SCN7A: variants seen among roughly 807,000 people sequenced by gnomAD.
SCN7A encodes the protein sodium voltage-gated channel alpha subunit 7, also known as sodium channel protein type 7 subunit alpha.
In SCN7A, 138 loss-of-function variants were observed where a neutral mutation model predicts 155.2. The observed-to-expected ratio is 0.89, with a 90% CI of 0.77 to 1.02. The LOEUF (loss-of-function observed/expected upper bound fraction) is 1.02. Ranked by LOEUF, SCN7A falls within the 50% of genes least tolerant of loss-of-function variation. The pLI is 0.00. For synonymous variants in SCN7A, 693 were observed against 649.0 expected (o/e 1.07, Z -1.03); for missense variants, 2,058 against 1,986.6 (o/e 1.04, Z -0.68).
At chr2:166,435,518 G>A (rs1701821134) in intron 15 of SCN7A, among the ~76,000 whole-genome samples, 1 of 152,056 alleles carries the variant, frequency 6.6e-6, no homozygotes, top group Non-Finnish European at 1.5e-5. Flanking sequence ...CACATATTGA[G>A]TGAGAATTGA....
intron 11 of SCN7A, among the ~76,000 whole-genome samples, chr2:166,452,420 T>TA (rs1702193478): frequency 6.6e-6 from 1 of 152,130 alleles, no homozygotes. Flanking sequence ...GTCCTTCAGA[T>TA]ACAATTTAGT....
intron 19 of SCN7A, among the ~76,000 whole-genome samples, chr2:166,421,831 G>A (rs1423074549): frequency 1.3e-4 from 20 of 151,870 alleles, no homozygotes; most frequent in Admixed American, 1.3e-3. Context: ...CAGATACTAA[G>A]GTAATCTTTA....
At chr2:166,482,763 C>CA (rs34623846) in intron 2 of SCN7A, among the ~76,000 whole-genome samples, 39,379 of 142,378 alleles carry the variant, frequency 0.28, 5,116 homozygotes, top group Middle Eastern at 0.34. Context: ...TGCGATACTG[C>CA]AAAAAAAAAA....
Position 166,406,408 on chromosome 2 carries a change from T to G in SCN7A, c.4221A>C (p.Lys1407Asn), listed in dbSNP as rs551440076. The G allele has an allele frequency of 4.3e-6, 7 of 1,613,002 alleles. No individual in the cohort carries two copies. Among genetic ancestry groups the G allele is most frequent in the Non-Finnish European group, 5.9e-6 (7 of 1,179,356 alleles). Residue 1407 changes from lysine (K) to asparagine (N), a missense_variant, in exon 26 of 26, where the codon AAA becomes AAC. By Grantham distance (94) the Lys-to-Asn change is moderately conservative. Coordinates refer to ENST00000643258, the MANE Select transcript of SCN7A (RefSeq NM_002976.4). ...FGMYNFAYVKKEAGINDVSNF... is the reference protein window; with the variant it reads ...FGMYNFAYVKNEAGINDVSNF... ...TAGACACATCATTAATTCCAGCTTC[T>G]TTTTTAACATAGGCAAAATTATACA...
At chr2:166,441,793 CA>C (rs1284459556) in intron 14 of SCN7A, 41 bp from the exon 15 acceptor site, 4 of 1,495,944 alleles carry the variant, frequency 2.7e-6, no homozygotes, top group Non-Finnish European at 2.7e-6. Context: ...AAACAAATGA[CA>C]AAAAACTTGG....
chr2:166,404,046 G>A lies in SCN7A; in HGVS notation c.*1534C>T, dbSNP rs141327804. On this transcript the variant is annotated 3_prime_UTR_variant, in exon 26 of 26. Transcript: ENST00000643258. ...TGAGGGGCAGAAAAAGATTATAGTA[G>A]TTAAGGCTTGAGATCATGCATTCAG... The A allele has an allele frequency of 6.6e-6, 1 of 151,758 alleles. No homozygotes were observed. The highest frequency in any genetic ancestry group is 1.9e-4 in the East Asian group (1 of 5,160). 9.4% of individuals were successfully genotyped at this position (151,758 alleles called of 1,614,324 possible).
At chr2:166,464,139 AATATATACACAT>A (rs1284602185) in intron 9 of SCN7A, among the ~76,000 whole-genome samples, 2 of 149,220 alleles carry the variant, frequency 1.3e-5, no homozygotes, top group Non-Finnish European at 3.0e-5. Flanking sequence ...TATATATACG[AATATATACACAT>A]ATATATACAC....
At chr2:166,485,641 A>G (rs571230528) in intron 2 of SCN7A, among the ~76,000 whole-genome samples, 67 of 152,204 alleles carry the variant, frequency 4.4e-4, no homozygotes, top group African/African-American at 1.6e-3. Context: ...TAAAAAGTAA[A>G]GCTGGTTCTG....
At chr2:166,488,654 T>C (rs1703106872) in intron 1 of SCN7A, among the ~76,000 whole-genome samples, 1 of 151,964 alleles carries the variant, frequency 6.6e-6, no homozygotes. Context: ...TTATTTTTTT[T>C]TGAGACGGAG....
At chr2:166,464,972 T>C (rs1270071200) in intron 9 of SCN7A, among the ~76,000 whole-genome samples, 1 of 152,200 alleles carries the variant, frequency 6.6e-6, no homozygotes, top group Non-Finnish European at 1.5e-5. Flanking sequence ...ATACTTCTGC[T>C]ATGGTCTGAA....
intron 2 of SCN7A, among the ~76,000 whole-genome samples, chr2:166,484,470 A>G (rs935231434): frequency 1.3e-5 from 2 of 151,880 alleles, no homozygotes; most frequent in African/African-American, 4.8e-5. Flanking sequence ...CAGAGAAATA[A>G]AAGGATTATG....
At chr2:166,410,123 C>T in intron 24 of SCN7A, 97 bp downstream of exon 24, 1 of 1,164,698 alleles carries the variant, frequency 8.6e-7, no homozygotes, top group South Asian at 1.7e-5. Flanking sequence ...TGTCAAGGGA[C>T]ACAAAAATTT....
At chr2:166,462,632 C>T (rs548557342) in intron 9 of SCN7A, 102 bp from the exon 10 acceptor site, 276 of 1,048,698 alleles carry the variant, frequency 2.6e-4, no homozygotes, top group South Asian at 6.1e-4. Context: ...AGAGAACTCA[C>T]GCTTCCACAG....
At chr2:166,436,287 T>A in intron 15 of SCN7A, 1 of 299,586 alleles carries the variant, frequency 3.3e-6, no homozygotes, top group South Asian at 2.7e-5. Context: ...TTCATGCTGT[T>A]CTCATGGTAG....
At position 166,427,949 on chromosome 2, in the gene SCN7A, A is replaced by G; in HGVS notation, c.2699-7T>C. On this transcript the variant is annotated splice_polypyrimidine_tract_variant and splice_region_variant and intron_variant, in intron 17 of 25. Coordinates refer to ENST00000643258, the MANE Select transcript of SCN7A (RefSeq NM_002976.4). The stretch of plus-strand genomic sequence containing the variant: ...GAAGATCCGCGTCTGCAACCTGTCA[A>G]GATTGAATTGGTAAGAACAACAATC... The G allele has an allele frequency of 6.2e-7, 1 of 1,612,212 alleles. No individual in the cohort carries two copies. Among genetic ancestry groups the G allele is most frequent in the South Asian group, 1.1e-5 (1 of 90,936 alleles).
At chr2:166,490,066 T>G (rs1380186559) in intron 1 of SCN7A, among the ~76,000 whole-genome samples, 1 of 152,076 alleles carries the variant, frequency 6.6e-6, no homozygotes, top group Non-Finnish European at 1.5e-5. Flanking sequence ...AGCTAATTAA[T>G]ATATCCATTA....
chr2:166,413,992 T>TATAC, intron 21 of SCN7A, among the ~76,000 whole-genome samples: 1 of 100,784 alleles, frequency 9.9e-6, no homozygotes, highest in South Asian at 2.7e-4. Context: ...TATATATATA[T>TATAC]ATATATATAT....
chr2:166,471,965 CTTTT>C (rs1193142389), intron 6 of SCN7A, among the ~76,000 whole-genome samples: 1 of 151,918 alleles, frequency 6.6e-6, no homozygotes, highest in African/African-American at 2.4e-5. Context: ...TCCTTTCATT[CTTTT>C]TTTATTATTA....
At position 166,423,319 on chromosome 2, in the gene SCN7A, T is replaced by C. The variant is rs375514422; in HGVS notation, c.2967A>G (p.Ala989=). ...TAGAGAAATAGGCCTTAAAACCATA[T>C]GCCATCCATTTTAGAAGCATTTCCA... The part of the protein sequence containing the change: ...FILEMLLKWM[A]YGFKAYFSNG... The change falls in exon 19 of 26, where the codon GCA becomes GCG. Residue 989 remains alanine (A), a synonymous_variant. Transcript: ENST00000643258. 110 of 1,612,314 alleles carry C rather than the reference T, an allele frequency of 6.8e-5. No homozygotes were observed. The East Asian group carries it at 1.1e-3, about 16-fold the overall frequency.
Sources: allele counts gnomAD v4.1 joint callset (sites outside exome capture counted in the v4.1 genomes callset), GRCh38; gene constraint gnomAD v4.1.1; transcripts MANE v1.5; gene names NCBI Gene and HGNC (gene_info 2026-07-23, HGNC 2026-07-21).